Variants in PUS3 observed in about 807,000 individuals in gnomAD.
The protein encoded by PUS3 is pseudouridine synthase 3.
PUS3 carries 36 observed loss-of-function variants against 43.3 expected under a neutral mutation model. That is an observed-to-expected ratio of 0.83 (90% CI 0.64 to 1.10). The LOEUF is 1.10. Among genes scored for constraint, PUS3 ranks in the 50% least tolerant of loss-of-function variants. The probability of loss-of-function intolerance (pLI) is 0.00; values close to 1 mark genes in which losing one functional copy is unlikely to be tolerated. For missense variants in PUS3, 544 were observed against 589.9 expected (o/e 0.92, Z 0.81); for synonymous variants, 183 against 199.2 (o/e 0.92, Z 0.69).
chr11:125,900,505 GTCTT>G (rs1944739175), intron 1 of PUS3: 1 of 511,374 alleles, frequency 2.0e-6, no homozygotes, highest in African/African-American at 1.9e-5. Flanking sequence ...AACAGACCTG[GTCTT>G]TCTATTTTGT....
In PUS3 at chr11:125,902,422, TG is replaced by T. The variant is rs534866520; in HGVS notation, c.-47+747del. On this transcript the variant is annotated intron_variant, in intron 1 of 3. Coordinates refer to ENST00000227474, the MANE Select transcript of PUS3 (RefSeq NM_031307.4). ...CGAAGTCAGGAGTTCGAGACCAACC[TG>T]GGCAACACAGCGAGACCGTGTGTTA... is the stretch of plus-strand genomic sequence containing the variant. Among the ~76,000 whole-genome samples, 719 of 151,938 alleles carry T rather than the reference TG, an allele frequency of 4.7e-3. 5 individuals carry two copies. Among genetic ancestry groups the T allele is most frequent in the African/African-American group, 0.017 (690 of 41,380 alleles).
intron 3 of PUS3, among the ~76,000 whole-genome samples, chr11:125,894,538 C>T (rs1210665997): frequency 2.0e-5 from 3 of 152,264 alleles, no homozygotes; most frequent in African/African-American, 7.2e-5. Context: ...GACATGGCTC[C>T]ATCATACTGC....
Position 125,894,265 on chromosome 11 carries a change from T to G in PUS3, c.966A>C (p.Leu322=), listed in dbSNP as rs1318117478. Reference sequence around the variant, plus strand: ...TTTCAAACTTACAGTCATATAAGACTAGAGGAAATTCTACAGCCATACTAG... The same window carrying G: ...TTTCAAACTTACAGTCATATAAGACGAGAGGAAATTCTACAGCCATACTAG... ...PQYSMAVEFP[L]VLYDCKFENV... The change falls in exon 4 of 4, where the codon CTA becomes CTC. Residue 322 remains leucine, a synonymous_variant. Coordinates refer to ENST00000227474, the MANE Select transcript of PUS3 (RefSeq NM_031307.4). 1.9e-6 allele frequency: 3 copies of G among 1,608,732 alleles called. No homozygotes were observed. Among genetic ancestry groups the G allele is most frequent in the Non-Finnish European group, 2.6e-6 (3 of 1,175,952 alleles).
intron 1 of PUS3, 67 bp from the exon 2 acceptor site, chr11:125,896,397 A>G: frequency 9.5e-7 from 1 of 1,056,960 alleles, no homozygotes; most frequent in South Asian, 1.6e-5. Flanking sequence ...CTAATGGTAT[A>G]TAAGATTTAA....
Position 125,893,707 on chromosome 11 carries a change from G to T in PUS3, c.*78C>A, listed in dbSNP as rs1944478377. ...CTGATCATCTGAATTCCTAGTACTT[G>T]CAAGTAAATTTTTTTTTTTTTCCTT... On this transcript the variant is annotated 3_prime_UTR_variant, in exon 4 of 4. Coordinates refer to ENST00000227474, the MANE Select transcript of PUS3 (RefSeq NM_031307.4). 2.5e-5 allele frequency: 29 copies of T among 1,171,944 alleles called. No homozygotes were observed. The highest frequency in any genetic ancestry group is 8.5e-5 in the South Asian group (4 of 47,212). The allele number at this position is 1,171,944 out of a possible 1,614,324, so 72.6% of individuals were successfully genotyped here.
At position 125,896,235 on chromosome 11, in the gene PUS3, C is replaced by T. The variant is rs1944585794; in HGVS notation, c.50G>A (p.Arg17Lys). The stretch of plus-strand genomic sequence containing the variant: ...CACCTCTTGCTCCAGTTCTCGTACT[C>T]TTTTTAGGAGCTTCTCAGTCTGGTT... ...DRNQTEKLLKRVRELEQEVQR... is the reference protein window; with the variant it reads ...DRNQTEKLLKKVRELEQEVQR... The change falls in exon 2 of 4, where the codon AGA (arginine) becomes AAA (lysine). Residue 17 changes from arginine (R) to lysine (K), a missense_variant. Physicochemically the swap from Arg to Lys is conservative, Grantham distance 26 (BLOSUM62 2). Coordinates refer to ENST00000227474, the MANE Select transcript of PUS3 (RefSeq NM_031307.4). 1.2e-6 allele frequency: 2 copies of T among 1,613,826 alleles called. No homozygotes were observed. Among genetic ancestry groups the T allele is most frequent in the South Asian group, 1.1e-5 (1 of 91,080 alleles).
intron 1 of PUS3, chr11:125,900,267 A>C: frequency 6.2e-7 from 1 of 1,614,012 alleles, no homozygotes. Flanking sequence ...TCTCCTTCTT[A>C]AATCTTTTTA....
chr11:125,900,663 T>C lies in PUS3; in HGVS notation c.-47+2507A>G, dbSNP rs184865597. 1.4e-4 allele frequency: 36 copies of C among 260,646 alleles called. No homozygotes were observed. The Admixed American group carries it at 1.6e-3, about 11-fold the overall frequency. The allele number at this position is 260,646 out of a possible 1,614,324, so 16.1% of individuals were successfully genotyped here. A position where few individuals can be genotyped will look rare whatever the true frequency, so the allele number is the denominator to read the frequency against. ...GGAAATTCATGAACTTGAACATTAT[T>C]TCATGAAATACTTGCCTAAGATGAT... is the stretch of plus-strand genomic sequence containing the variant. On this transcript the variant is annotated intron_variant, in intron 1 of 3. Coordinates refer to ENST00000227474, the MANE Select transcript of PUS3 (RefSeq NM_031307.4).
intron 1 of PUS3, 23 bp downstream of exon 1, chr11:125,903,147 C>A: frequency 1.0e-6 from 1 of 981,134 alleles, no homozygotes; most frequent in Non-Finnish European, 1.2e-6. Flanking sequence ...GAAAGTAACC[C>A]ACTCCAAAAA....
chr11:125,902,785 A>T (rs1324834448), intron 1 of PUS3, among the ~76,000 whole-genome samples: 1 of 151,820 alleles, frequency 6.6e-6, no homozygotes, highest in Non-Finnish European at 1.5e-5. Context: ...TCCCCAAAAT[A>T]ATTTGAAAAT....
Position 125,895,889 on chromosome 11 carries a change from C to G in PUS3, c.378+18G>C, listed in dbSNP as rs1231642150. 2 of 1,606,394 alleles carry G rather than the reference C, an allele frequency of 1.2e-6. No homozygotes were observed. Among genetic ancestry groups the G allele is most frequent in the African/African-American group, 1.3e-5 (1 of 74,750 alleles). ...TCCTAGTATTGCTTGCTTTGAGAAA[C>G]AGTGTATTGGCCCTTACCTGTCCAA... On this transcript the variant is annotated intron_variant, in intron 2 of 3. Coordinates refer to ENST00000227474, the MANE Select transcript of PUS3 (RefSeq NM_031307.4).
intron 3 of PUS3, 39 bp downstream of exon 3, chr11:125,895,185 C>A: frequency 6.7e-7 from 1 of 1,497,500 alleles, no homozygotes. Flanking sequence ...GTAGCTGGGA[C>A]TACAGGCATG....
At chr11:125,899,361 G>A (rs773530161) in intron 1 of PUS3, 5 of 1,613,788 alleles carry the variant, frequency 3.1e-6, no homozygotes, top group Non-Finnish European at 1.7e-6. Context: ...TACAGTGTAG[G>A]GGAAGCAATG....
chr11:125,894,179 AGTT>A lies in PUS3; in HGVS notation c.1049_1051del (p.Gln350del), dbSNP rs1172814832. On this transcript the variant is annotated inframe_deletion, in exon 4 of 4. Transcript: ENST00000227474. ...AGTTTTGACAGCATGATTAGCCCAC[AGTT>A]GTTGTAGGTGGGTAATATTGAACTC... 3.1e-6 allele frequency: 5 copies of A among 1,614,046 alleles called. No homozygotes were observed. Among genetic ancestry groups the A allele is most frequent in the Admixed American group, 1.7e-5 (1 of 60,006 alleles).
rs146966020 is a variant in PUS3, at chr11:125,893,850, T to G, written c.1381A>C (p.Asn461His). The change falls in exon 4 of 4, where the codon AAT becomes CAT. Residue 461 changes from asparagine to histidine, a missense_variant. Physicochemically the swap from Asn to His is moderately conservative, Grantham distance 68. Transcript: ENST00000227474. ...RDCNDTLEEE[N>H]TNLETPTKRV... ...TTCGTTGGTGTCTCCAAATTAGTAT[T>G]CTCTTCCTCTAGTGTGTCATTACAG... The G allele has an allele frequency of 2.5e-6, 4 of 1,614,004 alleles. No individual in the cohort carries two copies. In the African/African-American group the frequency reaches 5.3e-5, roughly 22 times the overall value.
At chr11:125,898,420 TCACCCCTGTAATGGGAGGCC>T (rs1417052282) in intron 1 of PUS3, among the ~76,000 whole-genome samples, 1 of 152,172 alleles carries the variant, frequency 6.6e-6, no homozygotes. Context: ...GCGCGGTGGC[TCACCCCTGTAATGGGAGGCC>T]GAGGCGGGTG....
In PUS3 at chr11:125,896,252, A is replaced by G. The variant is rs770882321; in HGVS notation, c.33T>C (p.Thr11=). 3.1e-6 allele frequency: 5 copies of G among 1,612,906 alleles called. No homozygotes were observed. Among genetic ancestry groups the G allele is most frequent in the South Asian group, 1.1e-5 (1 of 91,036 alleles). Residue 11 remains threonine, a synonymous_variant, in exon 2 of 4, where the codon ACT becomes ACC. Coordinates refer to ENST00000227474, the MANE Select transcript of PUS3 (RefSeq NM_031307.4). The part of the protein sequence containing the change: MAYNDTDRNQ[T]EKLLKRVREL... Reference sequence around the variant, plus strand: ...CTCGTACTCTTTTTAGGAGCTTCTCAGTCTGGTTTCTGTCTGTGTCATTAT... The same window carrying G: ...CTCGTACTCTTTTTAGGAGCTTCTCGGTCTGGTTTCTGTCTGTGTCATTAT...
intron 1 of PUS3, chr11:125,899,051 T>C (rs1321116284): frequency 3.2e-6 from 1 of 314,006 alleles, no homozygotes. Flanking sequence ...GTATGCCCCA[T>C]ATCATGTAGT....
intron 1 of PUS3, chr11:125,899,287 GC>G: frequency 7.8e-7 from 1 of 1,278,806 alleles, no homozygotes; most frequent in Middle Eastern, 1.9e-4. Flanking sequence ...AAGGGAATGA[GC>G]AATTTATGAG....
Sources: gnomAD v4.1 joint callset for allele counts (sites outside exome capture counted in the v4.1 genomes callset) on GRCh38, gnomAD v4.1.1 for gene constraint, MANE v1.5 for transcripts, NCBI Gene and HGNC (gene_info 2026-07-23, HGNC 2026-07-21) for gene names.